Variants in B2M observed in about 807,000 individuals in gnomAD.
The protein encoded by B2M is beta-2-microglobulin, also known as beta chain of MHC class I molecules.
A neutral mutation model predicts 14.5 loss-of-function variants in B2M; 3 were observed. That is an observed-to-expected ratio of 0.21 (90% CI 0.09 to 0.53). The LOEUF (loss-of-function observed/expected upper bound fraction) is 0.53. Among genes scored for constraint, B2M ranks in the 20% least tolerant of loss-of-function variants. The pLI is 0.95. For synonymous variants in B2M, 45 were observed against 52.7 expected, an observed-to-expected ratio of 0.85 and a Z score of 0.64; for missense variants, 107 against 140.8, an observed-to-expected ratio of 0.76 and a Z score of 1.21.
intron 1 of B2M, chr15:44,714,921 G>T: frequency 1.5e-5 from 3 of 200,476 alleles, no homozygotes; most frequent in South Asian, 7.4e-5. Flanking sequence ...CAAAAAGAAA[G>T]GCATAAACAT....
chr15:44,713,525 G>C (rs2086910463), intron 1 of B2M: 1 of 152,130 alleles, frequency 6.6e-6, no homozygotes, highest in Admixed American at 6.6e-5. Flanking sequence ...TTTCAGTTAA[G>C]TTTTGGAAGC....
chr15:44,714,500 A>C (rs1395681855), intron 1 of B2M: 1 of 152,078 alleles, frequency 6.6e-6, no homozygotes, highest in Non-Finnish European at 1.5e-5. Flanking sequence ...CGTGCCTGTA[A>C]TCCCAACACT....
chr15:44,714,802 T>A (rs941041599), intron 1 of B2M: 1 of 155,898 alleles, frequency 6.4e-6, no homozygotes, highest in Non-Finnish European at 1.4e-5. Context: ...GAACCTCAGA[T>A]AATAACATCT....
rs544253613 is a variant in B2M at position 44,713,979 on chromosome 15, G to T, written c.68-1444G>T. 1.2e-4 allele frequency: 19 copies of T among 152,208 alleles called. No individual in the cohort carries two copies. In the Middle Eastern group the frequency reaches 0.014, roughly 109 times the overall value. 9.4% of individuals were successfully genotyped at this position (152,208 alleles called of 1,614,324 possible). A position where few individuals can be genotyped will look rare whatever the true frequency, so the allele number is the denominator to read the frequency against. ...ACCCTGAATATAAGTGTATTTAAAAGAATTTTATACACATATATTTAGTGT... is the reference window on the plus strand; with the variant it reads ...ACCCTGAATATAAGTGTATTTAAAATAATTTTATACACATATATTTAGTGT... On this transcript the variant is annotated intron_variant, in intron 1 of 3. Transcript: ENST00000648006.
intron 2 of B2M, 62 bp downstream of exon 2, chr15:44,715,763 C>T (rs776616322): frequency 6.3e-7 from 1 of 1,594,494 alleles, no homozygotes; most frequent in African/African-American, 1.3e-5. Context: ...TATCATAAAG[C>T]TGCTTTGATA....
intron 1 of B2M, chr15:44,714,655 C>T (rs2086921648): frequency 6.6e-6 from 1 of 152,242 alleles, no homozygotes; most frequent in African/African-American, 2.4e-5. Flanking sequence ...TCACTTGAAC[C>T]CAGGAGGCGG....
At chr15:44,713,168 G>A (rs957691961) in intron 1 of B2M, 2 of 152,164 alleles carry the variant, frequency 1.3e-5, no homozygotes, top group Non-Finnish European at 2.9e-5. Flanking sequence ...CACTAAGCGC[G>A]CTCACCTTTT....
intron 1 of B2M, 138 bp downstream of exon 1, chr15:44,711,751 C>T: frequency 8.5e-7 from 1 of 1,170,640 alleles, no homozygotes; most frequent in Non-Finnish European, 1.2e-6. Flanking sequence ...TAGTCCAGGG[C>T]TGGATCTCGG....
Position 44,711,554 on chromosome 15 carries a change from G to C in B2M, c.8G>C (p.Arg3Pro). The C allele has an allele frequency of 6.2e-7, 1 of 1,613,764 alleles. No individual in the cohort carries two copies. Residue 3 changes from arginine (R) to proline (P), a missense_variant, in exon 1 of 4, where the codon CGC becomes CCC. Physicochemically the swap from Arg to Pro is moderately radical, Grantham distance 103. Transcript: ENST00000648006. ...GACAGCATTCGGGCCGAGATGTCTC[G>C]CTCCGTGGCCTTAGCTGTGCTCGCG... The part of the protein sequence containing the change: MS[R>P]SVALAVLALL...
intron 2 of B2M, 38 bp downstream of exon 2, chr15:44,715,739 T>C (rs1249683538): frequency 6.2e-7 from 1 of 1,612,128 alleles, no homozygotes; most frequent in South Asian, 1.1e-5. Context: ...CTGAAAGTTG[T>C]GTATGAGTAG....
At position 44,715,538 on chromosome 15, in the gene B2M, G is replaced by A. The variant is rs1370797084; in HGVS notation, c.183G>A (p.Lys61=). 3 of 1,614,204 alleles carry A rather than the reference G, an allele frequency of 1.9e-6. No individual in the cohort carries two copies. Among genetic ancestry groups the A allele is most frequent in the Non-Finnish European group, 8.5e-7 (1 of 1,180,038 alleles). The change falls in exon 2 of 4, where the codon AAG becomes AAA. Residue 61 remains lysine (K), a synonymous_variant. Transcript: ENST00000648006. Reference sequence around the variant, plus strand: ...CCGACATTGAAGTTGACTTACTGAAGAATGGAGAGAGAATTGAAAAAGTGG... The same window carrying A: ...CCGACATTGAAGTTGACTTACTGAAAAATGGAGAGAGAATTGAAAAAGTGG... ...HPSDIEVDLL[K]NGERIEKVEH... is the part of the protein sequence containing the mutation.
chr15:44,711,652 C>T lies in B2M; in HGVS notation c.67+39C>T, dbSNP rs1228531988. ...ACCCTCCCGCTCTGGTCCTTCCTCT[C>T]CCGCTCTGCACCCTCTGTGGCCCTC... On this transcript the variant is annotated intron_variant, in intron 1 of 3. Transcript: ENST00000648006. 7.6e-6 allele frequency: 12 copies of T among 1,587,710 alleles called. No individual in the cohort carries two copies. The African/African-American group carries it at 9.4e-5, about 12-fold the overall frequency.
At chr15:44,716,643 G>A (rs910702328) in intron 3 of B2M, 1 of 495,454 alleles carries the variant, frequency 2.0e-6, no homozygotes, top group East Asian at 3.2e-5. Context: ...TTACCTGCAA[G>A]GCTTTGATCT....
intron 1 of B2M, 135 bp downstream of exon 1, chr15:44,711,748 G>A (rs2086870394): frequency 8.5e-7 from 1 of 1,178,284 alleles, no homozygotes; most frequent in Admixed American, 1.9e-5. Context: ...GGCTAGTCCA[G>A]GGCTGGATCT....
Position 44,715,667 on chromosome 15 carries a change from T to C in B2M, c.312T>C (p.His104=). The C allele has an allele frequency of 6.2e-7, 1 of 1,614,258 alleles. No individual in the cohort carries two copies. Among genetic ancestry groups the C allele is most frequent in the Non-Finnish European group, 8.5e-7 (1 of 1,180,044 alleles). The change falls in exon 2 of 4, where the codon CAT becomes CAC. Residue 104 remains histidine (H), a synonymous_variant. Transcript: ENST00000648006. ...ATGAGTATGCCTGCCGTGTGAACCA[T>C]GTGACTTTGTCACAGCCCAAGATAG... The part of the protein sequence containing the change: ...EKDEYACRVN[H]VTLSQPKIVK...
At chr15:44,717,326 A>G (rs540703903) in intron 3 of B2M, 1 of 152,026 alleles carries the variant, frequency 6.6e-6, no homozygotes, top group Non-Finnish European at 1.5e-5. Flanking sequence ...TAAACATAGA[A>G]GTTGCAGTAA....
chr15:44,716,020 G>C (rs2086937300), intron 2 of B2M: 1 of 599,476 alleles, frequency 1.7e-6, no homozygotes. Context: ...TCTAGCTTTT[G>C]TGGCAGCTTC....
At chr15:44,715,773 AT>A in intron 2 of B2M, 72 bp downstream of exon 2, 1 of 1,581,080 alleles carries the variant, frequency 6.3e-7, no homozygotes, top group African/African-American at 1.3e-5. Context: ...CTGCTTTGAT[AT>A]AAAAAAGGTC....
At chr15:44,716,643 G>T (rs910702328) in intron 3 of B2M, 77 of 495,336 alleles carry the variant, frequency 1.6e-4, no homozygotes, top group Admixed American at 2.8e-4. Flanking sequence ...TTACCTGCAA[G>T]GCTTTGATCT....
Sources: gnomAD v4.1 joint callset for allele counts on GRCh38, gnomAD v4.1.1 for gene constraint, MANE v1.5 for transcripts, NCBI Gene and HGNC (gene_info 2026-07-23, HGNC 2026-07-21) for gene names.